Variants in NPR3 observed in about 807,000 individuals in gnomAD.
NPR3 encodes atrial natriuretic peptide receptor 3.
A neutral mutation model predicts 54.5 loss-of-function variants in NPR3; 34 were observed. The ratio of observed to expected loss-of-function variants is 0.62; its 90% CI spans 0.47 to 0.83. NPR3 has a LOEUF of 0.83. NPR3 is among the 40% of genes least tolerant of loss of function. NPR3 has a pLI of 0.00. For synonymous variants in NPR3, 289 were observed against 297.1 expected (o/e 0.97, Z 0.28); for missense variants, 674 against 720.8 (o/e 0.94, Z 0.74).
chr5:32,737,658 A>G, intron 2 of NPR3, among the ~76,000 whole-genome samples: 1 of 152,158 alleles, frequency 6.6e-6, no homozygotes, highest in East Asian at 1.9e-4. Flanking sequence ...TCATTGTCAA[A>G]AGTTAGAGGT....
At chr5:32,738,243 C>A (rs892307000) in intron 2 of NPR3, among the ~76,000 whole-genome samples, 1 of 151,966 alleles carries the variant, frequency 6.6e-6, no homozygotes, top group Non-Finnish European at 1.5e-5. Flanking sequence ...ACCCATCAAC[C>A]CGTCATCTAC....
Position 32,789,751 on chromosome 5 carries a change from T to C in NPR3, c.*3406T>C, listed in dbSNP as rs767535697. The C allele has an allele frequency of 5.6e-6, 3 of 533,544 alleles. No homozygotes were observed. Among genetic ancestry groups the C allele is most frequent in the African/African-American group, 1.9e-5 (1 of 51,872 alleles). The allele number at this position is 533,544 out of a possible 1,614,324, so 33.1% of individuals were successfully genotyped here. ...GTAAGACATGCAGTCAACAATGAGA[T>C]GAAGGCCATTGCATAGATCTCATGC... On this transcript the variant is annotated 3_prime_UTR_variant, in exon 8 of 8. Transcript: ENST00000265074.
In NPR3 at chr5:32,712,081, C is replaced by T. The variant is rs746886640; in HGVS notation, c.305C>T (p.Ala102Val). 4 of 1,613,862 alleles carry T rather than the reference C, an allele frequency of 2.5e-6. No individual in the cohort carries two copies. In the Admixed American group the frequency reaches 5.0e-5, roughly 20 times the overall value. ...CCGCCGGGCACTCGCTTCCAGGTGG[C>T]TTACGAGGATTCAGACTGTGGGAAC... is the stretch of plus-strand genomic sequence containing the variant. The part of the protein sequence containing the change: ...LLPPGTRFQV[A>V]YEDSDCGNRA... The change falls in exon 1 of 8, where the codon GCT becomes GTT. Residue 102 changes from alanine (A) to valine (V), a missense_variant. By Grantham distance (64) the Ala-to-Val change is moderately conservative. Coordinates refer to ENST00000265074, the MANE Select transcript of NPR3 (RefSeq NM_001204375.2).
intron 1 of NPR3, among the ~76,000 whole-genome samples, chr5:32,696,066 C>A (rs953188694): frequency 2.6e-5 from 4 of 152,106 alleles, no homozygotes; most frequent in Non-Finnish European, 1.5e-5. Flanking sequence ...GTTGCTTGTG[C>A]TTGTGGGGTA....
chr5:32,744,626 T>A (rs1366907714), intron 3 of NPR3, among the ~76,000 whole-genome samples: 1 of 152,178 alleles, frequency 6.6e-6, no homozygotes, highest in African/African-American at 2.4e-5. Context: ...GTAGCTATCA[T>A]TTCTCTTACT....
rs1327699084 is a variant in NPR3 at position 32,711,526 on chromosome 5, G to C, written c.-251G>C. 43 of 1,199,660 alleles carry C rather than the reference G, an allele frequency of 3.6e-5. No individual in the cohort carries two copies. The highest frequency in any genetic ancestry group is 4.3e-5 in the Non-Finnish European group (42 of 968,798). The allele number at this position is 1,199,660 out of a possible 1,614,324, so 74.3% of individuals were successfully genotyped here. ...GTATATATATATGTATATTACAGAC[G>C]CACAGGTTTACACCCGGTGAACTTT... is the stretch of plus-strand genomic sequence containing the variant. On this transcript the variant is annotated 5_prime_UTR_variant, in exon 1 of 8. Coordinates refer to ENST00000265074, the MANE Select transcript of NPR3 (RefSeq NM_001204375.2).
chr5:32,709,102 G>C (rs1281229494), upstream of NPR3, among the ~76,000 whole-genome samples: 1 of 152,030 alleles, frequency 6.6e-6, no homozygotes, highest in East Asian at 1.9e-4. Context: ...GGCGAGGCTA[G>C]GTAGCATCTG....
In NPR3 at chr5:32,782,044, TCCAA is replaced by T. The variant is rs1274957260; in HGVS notation, c.1291-847_1291-844del. On this transcript the variant is annotated intron_variant, in intron 5 of 7. Transcript: ENST00000265074. ...TCTAGACTGGGGCTTAGGGAGCTGA[TCCAA>T]CAATCATTTTAACCAGAAACTGAGG... Among the ~76,000 whole-genome samples the T allele has an allele frequency of 2.6e-5, 4 of 152,022 alleles. No homozygotes were observed. The East Asian group carries it at 7.7e-4, about 29-fold the overall frequency.
At chr5:32,767,221 A>G (rs1316976695) in intron 3 of NPR3, among the ~76,000 whole-genome samples, 1 of 152,238 alleles carries the variant, frequency 6.6e-6, no homozygotes, top group Non-Finnish European at 1.5e-5. Context: ...AAATGTGTCA[A>G]TAGGATAAAT....
At chr5:32,767,506 T>C (rs1373418328) in intron 3 of NPR3, among the ~76,000 whole-genome samples, 2 of 152,254 alleles carry the variant, frequency 1.3e-5, no homozygotes, top group Non-Finnish European at 2.9e-5. Flanking sequence ...CTGCTTGACT[T>C]TGTTTAATTT....
intron 1 of NPR3, among the ~76,000 whole-genome samples, chr5:32,713,838 G>A (rs920693585): frequency 3.3e-5 from 5 of 152,240 alleles, no homozygotes; most frequent in African/African-American, 1.2e-4. Flanking sequence ...GCAAAGAGGC[G>A]AGAGGTGTTT....
intron 3 of NPR3, among the ~76,000 whole-genome samples, chr5:32,768,493 G>A (rs1055466177): frequency 2.0e-5 from 3 of 152,116 alleles, no homozygotes; most frequent in Non-Finnish European, 4.4e-5. Context: ...AAAAACTGAT[G>A]CCTACAGAGA....
At chr5:32,752,630 T>C (rs1740636785) in intron 3 of NPR3, among the ~76,000 whole-genome samples, 1 of 152,182 alleles carries the variant, frequency 6.6e-6, no homozygotes, top group Non-Finnish European at 1.5e-5. Context: ...ACTGGAGGGC[T>C]TTGCTAATTG....
chr5:32,699,843 GATT>G (rs1209733089), intron 1 of NPR3, among the ~76,000 whole-genome samples: 1 of 152,142 alleles, frequency 6.6e-6, no homozygotes, highest in African/African-American at 2.4e-5. Context: ...TTTTCTTTCA[GATT>G]GAATCACTCC....
intron 2 of NPR3, among the ~76,000 whole-genome samples, chr5:32,738,188 G>T (rs1739848843): frequency 6.6e-6 from 1 of 152,010 alleles, no homozygotes; most frequent in Non-Finnish European, 1.5e-5. Context: ...TACAGAATGT[G>T]CAGGTTTGTT....
chr5:32,730,939 A>AT (rs1418958573), intron 2 of NPR3, among the ~76,000 whole-genome samples: 2 of 151,962 alleles, frequency 1.3e-5, no homozygotes, highest in Non-Finnish European at 1.5e-5. Flanking sequence ...TTTCAACAAG[A>AT]TTTTTTTTAG....
At chr5:32,709,855 A>G (rs1738121420), upstream of NPR3, 1 of 152,176 alleles carries the variant, frequency 6.6e-6, no homozygotes, top group East Asian at 1.9e-4. Context: ...TAAAAAACGC[A>G]GCGTCTGGGA....
At chr5:32,703,089 T>C (rs1737872924) in intron 1 of NPR3, among the ~76,000 whole-genome samples, 1 of 152,144 alleles carries the variant, frequency 6.6e-6, no homozygotes, top group South Asian at 2.1e-4. Context: ...CAAAGGAATC[T>C]CTCCATATGG....
chr5:32,732,435 G>A (rs1190265873), intron 2 of NPR3, among the ~76,000 whole-genome samples: 1 of 152,084 alleles, frequency 6.6e-6, no homozygotes, highest in Non-Finnish European at 1.5e-5. Flanking sequence ...ATTAACTTCT[G>A]CTTACATTTC....
Sources: gnomAD v4.1 joint callset for allele counts (sites outside exome capture counted in the v4.1 genomes callset) on GRCh38, gnomAD v4.1.1 for gene constraint, MANE v1.5 for transcripts, NCBI Gene and HGNC (gene_info 2026-07-23, HGNC 2026-07-21) for gene names.